The following TTLL5 variants were observed in gnomAD, a reference collection of about 807,000 sequenced individuals.
TTLL5 encodes tubulin polyglutamylase TTLL5.
In TTLL5, 132 loss-of-function variants were observed where a neutral mutation model predicts 168.4. The observed-to-expected ratio is 0.78, with a 90% confidence interval of 0.68 to 0.91. TTLL5 has a LOEUF of 0.91. Among genes scored for constraint, TTLL5 ranks in the 40% least tolerant of loss-of-function variants. TTLL5 has a pLI of 0.00. For missense variants in TTLL5, 1,545 were observed against 1,581.5 expected (o/e 0.98, Z 0.39); for synonymous variants, 546 against 558.6 (o/e 0.98, Z 0.32).
At chr14:75,940,191 G>A (rs1038873547) in intron 31 of TTLL5, among the ~76,000 whole-genome samples, 1 of 146,658 alleles carries the variant, frequency 6.8e-6, no homozygotes, top group African/African-American at 2.5e-5. Context: ...ACCATAGGCT[G>A]TCTCAGCCTC....
intron 29 of TTLL5, among the ~76,000 whole-genome samples, chr14:75,871,569 A>T (rs1595181685): frequency 6.6e-6 from 1 of 152,242 alleles, no homozygotes. Flanking sequence ...AATCTTTAAA[A>T]AAAAAAAAAA....
intron 27 of TTLL5, among the ~76,000 whole-genome samples, chr14:75,817,003 CAA>C (rs1894463142): frequency 3.2e-5 from 3 of 94,748 alleles, no homozygotes; most frequent in Non-Finnish European, 5.8e-5. Context: ...TTTTTTGAGA[CAA>C]GAGTCTCGCT....
At chr14:75,711,592 A>T (rs1197298050) in intron 9 of TTLL5, 1 of 152,224 alleles carries the variant, frequency 6.6e-6, no homozygotes, top group Non-Finnish European at 1.5e-5. Flanking sequence ...CAGCTCTAGC[A>T]ACTTGGGGGG....
At chr14:75,683,400 T>G in intron 4 of TTLL5, 150 bp from the exon 5 acceptor site, 1 of 609,868 alleles carries the variant, frequency 1.6e-6, no homozygotes, top group Non-Finnish European at 2.9e-6. Flanking sequence ...TACACTGCTT[T>G]TGTCTCACTA....
chr14:75,671,426 T>G (rs1383512074), intron 3 of TTLL5, among the ~76,000 whole-genome samples: 1 of 152,210 alleles, frequency 6.6e-6, no homozygotes, highest in African/African-American at 2.4e-5. Flanking sequence ...TTCCCCTTTC[T>G]TCAAAAATGG....
intron 5 of TTLL5, 122 bp from the exon 6 acceptor site, chr14:75,690,070 G>T: frequency 9.5e-7 from 1 of 1,047,758 alleles, no homozygotes; most frequent in Non-Finnish European, 1.4e-6. Context: ...GATATGTTTA[G>T]GATACAATAC....
chr14:75,767,944 T>A (rs2140301934), intron 20 of TTLL5, among the ~76,000 whole-genome samples: 1 of 152,328 alleles, frequency 6.6e-6, no homozygotes, highest in South Asian at 2.1e-4. Context: ...GTGGTGCCTT[T>A]GGTCAATATA....
At chr14:75,881,060 G>A (rs1054409799) in intron 29 of TTLL5, among the ~76,000 whole-genome samples, 2 of 152,032 alleles carry the variant, frequency 1.3e-5, no homozygotes, top group African/African-American at 2.4e-5. Context: ...ACTACAGGCA[G>A]GCACCACCAC....
At chr14:75,786,378 A>G (rs891715474) in intron 26 of TTLL5, among the ~76,000 whole-genome samples, 1 of 152,218 alleles carries the variant, frequency 6.6e-6, no homozygotes, top group African/African-American at 2.4e-5. Flanking sequence ...GAAGTTGGTG[A>G]GTTCATAAAT....
At chr14:75,901,150 C>T (rs1354681446) in intron 30 of TTLL5, among the ~76,000 whole-genome samples, 1 of 151,964 alleles carries the variant, frequency 6.6e-6, no homozygotes. Flanking sequence ...AAATATACAA[C>T]AAAAATATTA....
chr14:75,880,194 G>A (rs2031730339), intron 29 of TTLL5, among the ~76,000 whole-genome samples: 1 of 151,836 alleles, frequency 6.6e-6, no homozygotes, highest in African/African-American at 2.4e-5. Flanking sequence ...TGGTGTGTAT[G>A]TATTCTTTTT....
At chr14:75,771,643 A>G (rs1231402679) in intron 20 of TTLL5, 91 bp from the exon 21 acceptor site, 1 of 1,562,912 alleles carries the variant, frequency 6.4e-7, no homozygotes, top group Non-Finnish European at 8.7e-7. Flanking sequence ...TAATAGAAGC[A>G]TCCTCAAAGG....
At chr14:75,859,923 C>T (rs1396171995) in intron 28 of TTLL5, among the ~76,000 whole-genome samples, 1 of 152,148 alleles carries the variant, frequency 6.6e-6, no homozygotes, top group Non-Finnish European at 1.5e-5. Flanking sequence ...CACTGTAACT[C>T]AAAGCAAGCA....
intron 16 of TTLL5, 21 bp downstream of exon 16, chr14:75,745,229 G>C: frequency 6.2e-7 from 1 of 1,609,718 alleles, no homozygotes; most frequent in Non-Finnish European, 8.5e-7. Context: ...GTTCATTTTA[G>C]GCTTTTGTGG....
At chr14:75,874,463 C>T (rs1475793254) in intron 29 of TTLL5, among the ~76,000 whole-genome samples, 2 of 152,110 alleles carry the variant, frequency 1.3e-5, no homozygotes, top group Admixed American at 6.6e-5. Flanking sequence ...AAATATCTTA[C>T]AAACATAAAA....
At chr14:75,888,560 C>A (rs937217236) in intron 30 of TTLL5, among the ~76,000 whole-genome samples, 7 of 152,142 alleles carry the variant, frequency 4.6e-5, no homozygotes, top group African/African-American at 1.4e-4. Flanking sequence ...CAAATTTAGA[C>A]CTTCTTTAAG....
intron 27 of TTLL5, among the ~76,000 whole-genome samples, chr14:75,796,797 A>C (rs972389573): frequency 6.6e-6 from 1 of 152,024 alleles, no homozygotes; most frequent in Non-Finnish European, 1.5e-5. Flanking sequence ...GCCTATTTTT[A>C]TACCAGTACC....
At position 75,712,275 on chromosome 14, in the gene TTLL5, T is replaced by C. The variant is rs991944970; in HGVS notation, c.740+4568T>C. ...GCTGCCTGAGGTGCTGTCTCTTCAT[T>C]GTCCAGGCCTCTCTGACTCAAAATG... On this transcript the variant is annotated intron_variant, in intron 9 of 31. Transcript: ENST00000298832. 2.6e-5 allele frequency: 4 copies of C among 151,974 alleles called. 1 individual carries two copies. Among genetic ancestry groups the C allele is most frequent in the African/African-American group, 9.7e-5 (4 of 41,432 alleles). The allele number at this position is 151,974 out of a possible 1,614,324, so 9.4% of individuals were successfully genotyped here.
intron 9 of TTLL5, among the ~76,000 whole-genome samples, chr14:75,717,024 A>G (rs187578865): frequency 2.0e-5 from 3 of 151,432 alleles, no homozygotes; most frequent in Non-Finnish European, 2.9e-5. Flanking sequence ...GATCAGTTCT[A>G]TTCTTTCTAT....
Sources: gnomAD v4.1 joint callset for allele counts (sites outside exome capture counted in the v4.1 genomes callset) on GRCh38, gnomAD v4.1.1 for gene constraint, MANE v1.5 for transcripts, NCBI Gene and HGNC (gene_info 2026-07-23, HGNC 2026-07-21) for gene names.